The following TNFRSF10A variants were observed in gnomAD, a reference collection of about 807,000 sequenced individuals.
TNFRSF10A encodes the protein tumor necrosis factor receptor superfamily member 10A.
TNFRSF10A carries 44 observed loss-of-function variants against 42.8 expected under a neutral mutation model. The ratio of observed to expected loss-of-function variants is 1.03; its 90% CI spans 0.81 to 1.32. The LOEUF (loss-of-function observed/expected upper bound fraction) is 1.32, where lower values mean the gene tolerates loss of function less well. Ranked by LOEUF, TNFRSF10A falls within the 40% of genes most tolerant of loss-of-function variation. TNFRSF10A has a pLI of 0.00. For synonymous variants in TNFRSF10A, 259 were observed against 234.2 expected (o/e 1.11, Z -0.97); for missense variants, 680 against 602.0 (o/e 1.13, Z -1.36).
chr8:23,216,867 C>T (rs185951894), intron 1 of TNFRSF10A, among the ~76,000 whole-genome samples: 2 of 151,982 alleles, frequency 1.3e-5, no homozygotes, highest in African/African-American at 4.8e-5. Flanking sequence ...TTGCTTAACA[C>T]TTTAATTTCA....
chr8:23,202,537 T>C (rs1800946442), intron 3 of TNFRSF10A, 111 bp downstream of exon 3: 3 of 783,746 alleles, frequency 3.8e-6, no homozygotes, highest in African/African-American at 1.7e-5. Context: ...GAACAGGGTA[T>C]GATGAAGACC....
intron 1 of TNFRSF10A, 75 bp downstream of exon 1, chr8:23,224,681 G>A: frequency 3.4e-6 from 5 of 1,472,180 alleles, no homozygotes; most frequent in East Asian, 2.6e-5. Context: ...CACCCCCGCC[G>A]CGTCCCCCTC....
Position 23,212,104 on chromosome 8 carries a change from C to G in TNFRSF10A, c.403+12G>C. 6.2e-7 allele frequency: 1 copy of G among 1,610,036 alleles called. No homozygotes were observed. The highest frequency in any genetic ancestry group is 8.5e-7 in the Non-Finnish European group (1 of 1,176,648). On this transcript the variant is annotated intron_variant, in intron 2 of 9. Transcript: ENST00000221132. ...GAGGTGTAAAGGATTAGAGATCAGT[C>G]TTAGAATGTACCTGGTGGACACAAC...
Position 23,213,436 on chromosome 8 carries a change from C to CTTTTTTTTTTTTTTTTTTTTTTTTTT in TNFRSF10A, c.307-1250_307-1225dup, listed in dbSNP as rs58691757. Among the ~76,000 whole-genome samples, 14 of 68,656 alleles carry CTTTTTTTTTTTTTTTTTTTTTTTTTT rather than the reference C, an allele frequency of 2.0e-4. 3 individuals carry two copies. The highest frequency in any genetic ancestry group is 6.5e-4 in the South Asian group (1 of 1,550). The allele number at this position is 68,656 out of a possible 152,430, so 45.0% of individuals were successfully genotyped here. Reference sequence around the variant, plus strand: ...GCTGGTTTGGGCTTAGTTTGCTCCTCTTTTTTTTTTTTTTTTTTTTTTTTT... The same window carrying CTTTTTTTTTTTTTTTTTTTTTTTTTT: ...GCTGGTTTGGGCTTAGTTTGCTCCTCTTTTTTTTTTTTTTTTTTTTTTTTTTTTTTTTTTTTTTTTTTTTTTTTTTT... On this transcript the variant is annotated intron_variant, in intron 1 of 9. Coordinates refer to ENST00000221132, the MANE Select transcript of TNFRSF10A (RefSeq NM_003844.4).
intron 8 of TNFRSF10A, 124 bp from the exon 9 acceptor site, chr8:23,197,328 G>C: frequency 6.8e-6 from 8 of 1,169,010 alleles, no homozygotes; most frequent in Non-Finnish European, 8.8e-6. Flanking sequence ...TCACCATGGA[G>C]ATGGTGAAAA....
At chr8:23,207,208 C>G (rs1485398682) in intron 2 of TNFRSF10A, 1 of 597,728 alleles carries the variant, frequency 1.7e-6, no homozygotes, top group African/African-American at 1.8e-5. Flanking sequence ...GATGTTAAAA[C>G]CAACAAGCAC....
chr8:23,213,673 T>A (rs1372422985), intron 1 of TNFRSF10A, among the ~76,000 whole-genome samples: 1 of 152,102 alleles, frequency 6.6e-6, no homozygotes, highest in South Asian at 2.1e-4. Flanking sequence ...CTCTATCTCC[T>A]GACCTCGTGA....
At chr8:23,206,196 A>G (rs1801005446) in intron 2 of TNFRSF10A, among the ~76,000 whole-genome samples, 1 of 152,236 alleles carries the variant, frequency 6.6e-6, no homozygotes. Flanking sequence ...TTAAAAATTA[A>G]AAAGTTTATA....
intron 1 of TNFRSF10A, among the ~76,000 whole-genome samples, chr8:23,224,135 C>T (rs186687325): frequency 6.6e-6 from 1 of 151,298 alleles, no homozygotes; most frequent in Non-Finnish European, 1.5e-5. Flanking sequence ...CCCGTGACTA[C>T]TAAAAATACA....
In TNFRSF10A at chr8:23,202,752, C is replaced by CTA. The variant is rs758684565; in HGVS notation, c.411_412dup (p.Arg138IlefsTer106). 1.2e-6 allele frequency: 2 copies of CTA among 1,609,878 alleles called. No homozygotes were observed. The highest frequency in any genetic ancestry group is 1.7e-6 in the Non-Finnish European group (2 of 1,176,218). On this transcript the variant is annotated frameshift_variant, in exon 3 of 10. Transcript: ENST00000221132. LOFTEE classifies it high-confidence loss of function. ...GTTACAGGCTCCAGGATGTTCTGAT[C>CTA]TATGAGATCCTGGGAAGGGAGAGAA... is the stretch of plus-strand genomic sequence containing the variant.
At chr8:23,200,896 G>A in intron 4 of TNFRSF10A, 136 bp from the exon 5 acceptor site, 1 of 845,344 alleles carries the variant, frequency 1.2e-6, no homozygotes. Context: ...TATCTGCAGG[G>A]GGTCCCCCTA....
At chr8:23,199,961 T>C in intron 6 of TNFRSF10A, 44 bp from the exon 7 acceptor site, 1 of 1,613,138 alleles carries the variant, frequency 6.2e-7, no homozygotes, top group Non-Finnish European at 8.5e-7. Flanking sequence ...GAGGGGCCCA[T>C]GCAGCACTCC....
rs146863456 is a variant in TNFRSF10A at position 23,216,599 on chromosome 8, G to A, written c.307-4387C>T. 1.9e-4 allele frequency among the ~76,000 whole-genome samples: 29 copies of A among 152,094 alleles called. No individual in the cohort carries two copies. The East Asian group carries it at 4.8e-3, about 25-fold the overall frequency. ...TGTACTAAAAATACAAAAATGAGCC[G>A]GGCGTGCTGGCAGGTGCCTATAGTC... On this transcript the variant is annotated intron_variant, in intron 1 of 9. Coordinates refer to ENST00000221132, the MANE Select transcript of TNFRSF10A (RefSeq NM_003844.4).
intron 9 of TNFRSF10A, among the ~76,000 whole-genome samples, chr8:23,192,889 C>A (rs1800775414): frequency 6.6e-6 from 1 of 152,032 alleles, no homozygotes; most frequent in South Asian, 2.1e-4. Context: ...GACCTGCAAG[C>A]ATCTCAAAAA....
intron 2 of TNFRSF10A, among the ~76,000 whole-genome samples, chr8:23,204,526 G>T (rs138644717): frequency 6.6e-6 from 1 of 152,142 alleles, no homozygotes; most frequent in South Asian, 2.1e-4. Flanking sequence ...GAAAGTAGTA[G>T]ACTTGAACAA....
intron 2 of TNFRSF10A, among the ~76,000 whole-genome samples, chr8:23,203,770 A>G (rs552343533): frequency 8.6e-5 from 13 of 151,748 alleles, no homozygotes; most frequent in African/African-American, 3.1e-4. Context: ...ACTACTGAAA[A>G]ATAATAAAGG....
intron 4 of TNFRSF10A, 114 bp downstream of exon 4, chr8:23,201,694 C>A: frequency 2.1e-6 from 2 of 938,816 alleles, no homozygotes; most frequent in Non-Finnish European, 1.7e-6. Flanking sequence ...GGGGTGGAGG[C>A]ACCATGGGGT....
At chr8:23,201,661 C>A in intron 4 of TNFRSF10A, 147 bp downstream of exon 4, 1 of 705,134 alleles carries the variant, frequency 1.4e-6, no homozygotes, top group Admixed American at 2.5e-5. Flanking sequence ...TCAGGAGACG[C>A]CACAGGCTCA....
intron 1 of TNFRSF10A, among the ~76,000 whole-genome samples, chr8:23,221,800 C>A (rs945515736): frequency 6.6e-6 from 1 of 152,102 alleles, no homozygotes; most frequent in African/African-American, 2.4e-5. Flanking sequence ...TGAGGTCTAT[C>A]ATTTTTTACC....
Sources: gnomAD v4.1 joint callset for allele counts (sites outside exome capture counted in the v4.1 genomes callset) on GRCh38, gnomAD v4.1.1 for gene constraint, MANE v1.5 for transcripts, NCBI Gene and HGNC (gene_info 2026-07-23, HGNC 2026-07-21) for gene names.